Variants in CACNA2D3 observed in about 807,000 individuals in gnomAD.
CACNA2D3 encodes the protein calcium voltage-gated channel auxiliary subunit alpha2delta 3.
Under a neutral mutation model 160.6 loss-of-function variants are expected in CACNA2D3, and 60 were observed. That is an observed-to-expected ratio of 0.37 (90% CI 0.30 to 0.46). CACNA2D3 has a LOEUF of 0.46. Ranked by LOEUF, CACNA2D3 falls within the 20% of genes least tolerant of loss-of-function variation. The pLI is 1.00. For synonymous variants in CACNA2D3, 558 were observed against 492.9 expected (o/e 1.13, Z -1.75); for missense variants, 1,205 against 1,365.0 (o/e 0.88, Z 1.85).
At chr3:54,900,374 T>C (rs1326165151) in intron 27 of CACNA2D3, among the ~76,000 whole-genome samples, 1 of 152,170 alleles carries the variant, frequency 6.6e-6, no homozygotes, top group Admixed American at 6.5e-5. Context: ...AGCCAAAATA[T>C]TATATGACTG....
At chr3:54,190,138 A>G (rs890942299) in intron 2 of CACNA2D3, among the ~76,000 whole-genome samples, 2 of 152,186 alleles carry the variant, frequency 1.3e-5, no homozygotes, top group Non-Finnish European at 2.9e-5. Context: ...TTATAAGGGC[A>G]CTGATTTTAT....
chr3:54,384,819 A>C (rs1400051777), intron 3 of CACNA2D3, among the ~76,000 whole-genome samples: 1 of 152,098 alleles, frequency 6.6e-6, no homozygotes, highest in East Asian at 1.9e-4. Flanking sequence ...TCCTGGGTTC[A>C]AGTGATTCTC....
At chr3:54,574,835 C>G (rs902934942) in intron 8 of CACNA2D3, among the ~76,000 whole-genome samples, 2 of 152,240 alleles carry the variant, frequency 1.3e-5, no homozygotes, top group Non-Finnish European at 2.9e-5. Context: ...TTAAATGCCT[C>G]CTGCAGCCCA....
intron 5 of CACNA2D3, among the ~76,000 whole-genome samples, chr3:54,550,473 C>T (rs1702138465): frequency 6.6e-6 from 1 of 152,214 alleles, no homozygotes; most frequent in African/African-American, 2.4e-5. Context: ...TTCACACCCC[C>T]AAATGTGGGC....
At chr3:54,905,064 A>G (rs1700423294) in intron 27 of CACNA2D3, among the ~76,000 whole-genome samples, 1 of 152,192 alleles carries the variant, frequency 6.6e-6, no homozygotes, top group Non-Finnish European at 1.5e-5. Context: ...CACCAGAGAC[A>G]TTGGTTTCTT....
chr3:55,067,103 G>GGGT (rs1553642489), intron 35 of CACNA2D3, among the ~76,000 whole-genome samples: 2 of 151,378 alleles, frequency 1.3e-5, no homozygotes, highest in African/African-American at 4.9e-5. Context: ...TTTTGTAGCG[G>GGGT]GGGGGGCTTT....
In CACNA2D3 at chr3:54,767,532, G is replaced by A. The variant is rs1156583047; in HGVS notation, c.1380+3181G>A. On this transcript the variant is annotated intron_variant, in intron 13 of 37. Coordinates refer to ENST00000474759, the MANE Select transcript of CACNA2D3 (RefSeq NM_018398.3). ...AAAATCCCAACTCTGTCTTTCTAAA[G>A]GACCTATAAGCAGTGGCACCCAAGT... is the stretch of plus-strand genomic sequence containing the variant. 2.6e-5 allele frequency among the ~76,000 whole-genome samples: 4 copies of A among 152,010 alleles called. No homozygotes were observed. In the East Asian group the frequency reaches 5.8e-4, roughly 22 times the overall value.
At chr3:54,341,785 T>G (rs1200914775) in intron 3 of CACNA2D3, among the ~76,000 whole-genome samples, 1 of 152,208 alleles carries the variant, frequency 6.6e-6, no homozygotes, top group Non-Finnish European at 1.5e-5. Context: ...CTCCAGAGTG[T>G]ATGTAACTAA....
chr3:54,133,342 T>C (rs1265111423), intron 2 of CACNA2D3, among the ~76,000 whole-genome samples: 1 of 152,226 alleles, frequency 6.6e-6, no homozygotes, highest in Non-Finnish European at 1.5e-5. Flanking sequence ...TGCCCCAGGC[T>C]ACATGGCTCC....
chr3:54,757,005 GA>G (rs1214277005), intron 12 of CACNA2D3, among the ~76,000 whole-genome samples: 4 of 152,092 alleles, frequency 2.6e-5, no homozygotes, highest in Non-Finnish European at 5.9e-5. Context: ...TACCACTGTA[GA>G]ATGGCTGGTG....
rs1576969176 is a variant in CACNA2D3 at position 54,161,646 on chromosome 3, T to C, written c.204+38052T>C. 2.6e-5 allele frequency among the ~76,000 whole-genome samples: 4 copies of C among 152,370 alleles called. No homozygotes were observed. The South Asian group carries it at 8.3e-4, about 32-fold the overall frequency. On this transcript the variant is annotated intron_variant, in intron 2 of 37. Transcript: ENST00000474759. ...GCAAACTTGTGTGCCCTTCCCAGCA[T>C]GTTCATTGTATTTGAAATGACTGTT...
rs1007652329 is a variant in CACNA2D3, at chr3:54,403,391, A to G, written c.381+16617A>G. Among the ~76,000 whole-genome samples, 4 of 150,872 alleles carry G rather than the reference A, an allele frequency of 2.7e-5. No homozygotes were observed. The East Asian group carries it at 5.8e-4, about 22-fold the overall frequency. ...CACACACACACACACACACACACAC[A>G]CACACACGCACACACAATAAAAATA... On this transcript the variant is annotated intron_variant, in intron 4 of 37. Coordinates refer to ENST00000474759, the MANE Select transcript of CACNA2D3 (RefSeq NM_018398.3).
At chr3:54,867,410 T>C (rs889999346) in intron 17 of CACNA2D3, among the ~76,000 whole-genome samples, 2 of 151,858 alleles carry the variant, frequency 1.3e-5, no homozygotes, top group African/African-American at 4.8e-5. Flanking sequence ...TGTTTGTGAA[T>C]ACTTCACATA....
intron 35 of CACNA2D3, among the ~76,000 whole-genome samples, chr3:55,065,286 G>A (rs1038767304): frequency 1.3e-5 from 2 of 152,116 alleles, no homozygotes; most frequent in African/African-American, 4.8e-5. Flanking sequence ...GGGATTTTTT[G>A]TAGTCCCAGA....
intron 4 of CACNA2D3, among the ~76,000 whole-genome samples, chr3:54,471,684 A>C (rs1390153976): frequency 6.6e-6 from 1 of 152,156 alleles, no homozygotes; most frequent in Non-Finnish European, 1.5e-5. Context: ...AGAGAGAAGA[A>C]TCGAGTAGAC....
intron 11 of CACNA2D3, among the ~76,000 whole-genome samples, chr3:54,690,680 T>C (rs977052917): frequency 2.6e-5 from 4 of 152,238 alleles, no homozygotes; most frequent in Admixed American, 6.5e-5. Flanking sequence ...GAATTGTATC[T>C]GACTGAAGAA....
chr3:54,679,841 G>T (rs768992880), intron 11 of CACNA2D3, among the ~76,000 whole-genome samples: 3 of 152,180 alleles, frequency 2.0e-5, no homozygotes, highest in Admixed American at 6.5e-5. Flanking sequence ...TTTCCATCAT[G>T]AATAAAATTA....
At chr3:54,264,645 T>G (rs1489315774) in intron 2 of CACNA2D3, among the ~76,000 whole-genome samples, 1 of 152,254 alleles carries the variant, frequency 6.6e-6, no homozygotes, top group African/African-American at 2.4e-5. Context: ...TATTTAGGTT[T>G]GTAATAGGCT....
chr3:54,289,259 A>G (rs567013541), intron 2 of CACNA2D3, among the ~76,000 whole-genome samples: 11 of 151,850 alleles, frequency 7.2e-5, no homozygotes, highest in African/African-American at 2.6e-4. Context: ...CTTATACACC[A>G]ATAACAGACA....
Sources: allele counts gnomAD v4.1 joint callset (sites outside exome capture counted in the v4.1 genomes callset), GRCh38; gene constraint gnomAD v4.1.1; transcripts MANE v1.5; gene names NCBI Gene and HGNC (gene_info 2026-07-23, HGNC 2026-07-21).